The following ADAM8 variants were observed in gnomAD, a reference collection of about 807,000 sequenced individuals.
ADAM8 encodes the protein disintegrin and metalloproteinase domain-containing protein 8.
Under a neutral mutation model 102.4 loss-of-function variants are expected in ADAM8, and 104 were observed. The observed-to-expected ratio is 1.02, with a 90% CI of 0.87 to 1.20. ADAM8 has a LOEUF of 1.20. ADAM8 is among the 50% of genes most tolerant of loss of function. The probability of loss-of-function intolerance (pLI) is 0.00; values close to 1 mark genes in which losing one functional copy is unlikely to be tolerated. For synonymous variants in ADAM8, 517 were observed against 485.2 expected (o/e 1.07, Z -0.86); for missense variants, 1,132 against 1,159.0 (o/e 0.98, Z 0.34).
chr10:133,266,569 C>T (rs1846327855), intron 21 of ADAM8, among the ~76,000 whole-genome samples: 1 of 152,156 alleles, frequency 6.6e-6, no homozygotes, highest in Non-Finnish European at 1.5e-5. Context: ...CTCCCCAGCC[C>T]CAGCCTGCCC....
Position 133,272,962 on chromosome 10 carries a change from C to T in ADAM8, c.631G>A (p.Ala211Thr). The T allele has an allele frequency of 6.2e-7, 1 of 1,612,960 alleles. No individual in the cohort carries two copies. Among genetic ancestry groups the T allele is most frequent in the Non-Finnish European group, 8.5e-7 (1 of 1,179,906 alleles). ...CTTCCCTGCCCCCAACACACCTCTG[C>T]ATTGTCCACGACCACATACAGCTCC... The part of the protein sequence containing the change: ...YVELYVVVDN[A>T]EFQMLGSEAA... Residue 211 changes from alanine (A) to threonine (T), a missense_variant, in exon 7 of 23, where the codon GCA becomes ACA. Ala to Thr is a moderately conservative substitution (Grantham distance 58). Transcript: ENST00000445355.
chr10:133,270,065 G>A (rs1846467832), intron 16 of ADAM8, 91 bp from the exon 17 acceptor site: 2 of 1,422,724 alleles, frequency 1.4e-6, no homozygotes, highest in East Asian at 4.7e-5. Context: ...GGGGTGGGCT[G>A]TGGTCACCAC....
At chr10:133,265,982 T>C (rs1846311305) in intron 21 of ADAM8, among the ~76,000 whole-genome samples, 1 of 152,146 alleles carries the variant, frequency 6.6e-6, no homozygotes, top group South Asian at 2.1e-4. Flanking sequence ...GAAAAATCTG[T>C]GGACGCTGCT....
Position 133,271,891 on chromosome 10 carries a change from C to A in ADAM8, c.1021G>T (p.Gly341Cys). The A allele has an allele frequency of 6.2e-7, 1 of 1,612,672 alleles. No homozygotes were observed. Among genetic ancestry groups the A allele is most frequent in the Non-Finnish European group, 8.5e-7 (1 of 1,179,878 alleles). ...TGGACGTTCTCATCATGGTCCATGC[C>A]CAGGTTGTGGCCCATCTCATGGGCC... is the stretch of plus-strand genomic sequence containing the variant. ...TMAHEMGHNL[G>C]MDHDENVQGC... The change falls in exon 11 of 23, where the codon GGC (glycine) becomes TGC (cysteine). Residue 341 changes from glycine (G) to cysteine (C), a missense_variant. Transcript: ENST00000445355.
At chr10:133,267,003 T>C (rs949976451) in intron 21 of ADAM8, among the ~76,000 whole-genome samples, 1 of 151,184 alleles carries the variant, frequency 6.6e-6, no homozygotes, top group Admixed American at 6.6e-5. Flanking sequence ...GTCCCTGCCC[T>C]GAGCCCACCC....
chr10:133,273,284 C>T lies in ADAM8; in HGVS notation c.543G>A (p.Arg181=). The change falls in exon 6 of 23, where the codon CGG becomes CGA. Residue 181 remains arginine, a synonymous_variant. Coordinates refer to ENST00000445355, the MANE Select transcript of ADAM8 (RefSeq NM_001109.5). ...GCCGAGGCCTGAAGACGGCTGCCGT[C>T]CGGGGTCCCAGGAGGCTGCCCAGGC... The part of the protein sequence containing the change: ...DDSLGSLLGP[R]TAAVFRPRPG... The T allele has an allele frequency of 1.3e-6, 2 of 1,599,500 alleles. No individual in the cohort carries two copies. Among genetic ancestry groups the T allele is most frequent in the East Asian group, 2.3e-5 (1 of 44,318 alleles).
At chr10:133,274,090 C>T in intron 3 of ADAM8, 61 bp from the exon 4 acceptor site, 8 of 1,587,770 alleles carry the variant, frequency 5.0e-6, no homozygotes, top group Non-Finnish European at 6.8e-6. Flanking sequence ...GGCCCAGAGG[C>T]TGGACGCCGG....
Position 133,271,530 on chromosome 10 carries a change from C to T in ADAM8, c.1282G>A (p.Glu428Lys), listed in dbSNP as rs1032620519. ...GCAGGTATGGGGCATGGACGCACCT[C>T]GGGGGGGCCGCAGTCGCACTGCTCC... is the stretch of plus-strand genomic sequence containing the variant. ...RGEQCDCGPPEDCRNRCCNST... is the reference protein window; with the variant it reads ...RGEQCDCGPPKDCRNRCCNST... The change falls in exon 12 of 23, where the codon GAG becomes AAG. Residue 428 changes from glutamate (E) to lysine (K), a missense_variant and splice_region_variant. By Grantham distance (56) the Glu-to-Lys change is moderately conservative (BLOSUM62 1). Coordinates refer to ENST00000445355, the MANE Select transcript of ADAM8 (RefSeq NM_001109.5). The T allele has an allele frequency of 1.1e-5, 17 of 1,553,086 alleles. No individual in the cohort carries two copies. The highest frequency in any genetic ancestry group is 2.7e-5 in the African/African-American group (2 of 73,900).
chr10:133,263,649 T>A, intron 22 of ADAM8, 39 bp downstream of exon 22: 1 of 186,336 alleles, frequency 5.4e-6, no homozygotes. Context: ...TGCCGTCCAT[T>A]GCACAGTGGA....
intron 5 of ADAM8, 103 bp downstream of exon 5, chr10:133,273,659 G>A: frequency 7.2e-7 from 1 of 1,379,620 alleles, no homozygotes; most frequent in Non-Finnish European, 9.9e-7. Context: ...AGGCCTGAGT[G>A]GGAGGAGGAG....
intron 8 of ADAM8, 29 bp from the exon 9 acceptor site, chr10:133,272,614 A>G (rs754593717): frequency 2.5e-6 from 4 of 1,590,482 alleles, no homozygotes; most frequent in Admixed American, 1.7e-5. Flanking sequence ...CCTGGGGGTC[A>G]GGCAGGGTGG....
At chr10:133,275,356 G>A in intron 2 of ADAM8, 128 bp downstream of exon 2, 2 of 678,526 alleles carry the variant, frequency 2.9e-6, no homozygotes, top group Non-Finnish European at 4.9e-6. Flanking sequence ...GCCCCAGGGG[G>A]CTAGAGCTGT....
At chr10:133,275,670 C>A in intron 1 of ADAM8, 83 bp from the exon 2 acceptor site, 2 of 728,432 alleles carry the variant, frequency 2.7e-6, no homozygotes, top group South Asian at 4.4e-5. Flanking sequence ...CAGATTCTGT[C>A]TCTTGCTGGG....
At position 133,273,342 on chromosome 10, in the gene ADAM8, TGCA is replaced by T. The variant is rs1211903048; in HGVS notation, c.482_484del (p.Leu161del). On this transcript the variant is annotated inframe_deletion, in exon 6 of 23. Coordinates refer to ENST00000445355, the MANE Select transcript of ADAM8 (RefSeq NM_001109.5). ...GCTGACCCCGCAGGTCCCGGCCGTC[TGCA>T]GCAGGTGCTCAGCCTGGTACACGGC... The T allele has an allele frequency of 2.5e-6, 4 of 1,570,144 alleles. No individual in the cohort carries two copies. Among genetic ancestry groups the T allele is most frequent in the Non-Finnish European group, 1.7e-6 (2 of 1,158,548 alleles).
chr10:133,270,254 C>T (rs1846474430), intron 16 of ADAM8, 106 bp downstream of exon 16: 4 of 1,420,668 alleles, frequency 2.8e-6, no homozygotes, highest in South Asian at 1.4e-5. Context: ...GAACTCTGTT[C>T]CCATGGCCTC....
At chr10:133,266,831 G>T (rs1564919947) in intron 21 of ADAM8, among the ~76,000 whole-genome samples, 1 of 152,206 alleles carries the variant, frequency 6.6e-6, no homozygotes, top group African/African-American at 2.4e-5. Flanking sequence ...TCCAAGGTTA[G>T]CCCAGAGGTG....
intron 1 of ADAM8, among the ~76,000 whole-genome samples, chr10:133,276,362 C>A (rs1846751852): frequency 6.6e-6 from 1 of 152,172 alleles, no homozygotes; most frequent in Non-Finnish European, 1.5e-5. Context: ...GTCCCCTCAG[C>A]CCACACCCCT....
rs758618426 is a variant in ADAM8 at position 133,267,985 on chromosome 10, C to T, written c.2197G>A (p.Gly733Ser). The change falls in exon 20 of 23, where the codon GGC (glycine) becomes AGC (serine). Residue 733 changes from glycine (G) to serine (S), a missense_variant. Physicochemically the swap from Gly to Ser is moderately conservative, Grantham distance 56. Coordinates refer to ENST00000445355, the MANE Select transcript of ADAM8 (RefSeq NM_001109.5). Reference sequence around the variant, plus strand: ...GAGGCCGGGTGTCGGGCGGGCTGGCCCGGGTGGGTGGTGGGGACCAGCTCT... The same window carrying T: ...GAGGCCGGGTGTCGGGCGGGCTGGCTCGGGTGGGTGGTGGGGACCAGCTCT... ...PQELVPTTHP[G>S]QPARHPASSV... is the part of the protein sequence containing the mutation. The T allele has an allele frequency of 2.4e-6, 3 of 1,261,080 alleles. No individual in the cohort carries two copies. Among genetic ancestry groups the T allele is most frequent in the Non-Finnish European group, 3.0e-6 (3 of 996,412 alleles). 78.1% of individuals were successfully genotyped at this position (1,261,080 alleles called of 1,614,324 possible).
At position 133,267,966 on chromosome 10, in the gene ADAM8, G is replaced by A. The variant is rs184352637; in HGVS notation, c.2216C>T (p.Pro739Leu). 546 of 1,262,294 alleles carry A rather than the reference G, an allele frequency of 4.3e-4. 4 individuals are homozygous for A. In the East Asian group the frequency reaches 0.014, roughly 32 times the overall value. 78.2% of individuals were successfully genotyped at this position (1,262,294 alleles called of 1,614,324 possible). ...CCTCTTCAGAGCCACCGAGGAGGCC[G>A]GGTGTCGGGCGGGCTGGCCCGGGTG... Reference protein sequence around the residue: ...TTHPGQPARHPASSVALKRPP... With the variant: ...TTHPGQPARHLASSVALKRPP... The change falls in exon 20 of 23, where the codon CCG becomes CTG. Residue 739 changes from proline (P) to leucine (L), a missense_variant. Coordinates refer to ENST00000445355, the MANE Select transcript of ADAM8 (RefSeq NM_001109.5).
Sources: allele counts gnomAD v4.1 joint callset (sites outside exome capture counted in the v4.1 genomes callset), GRCh38; gene constraint gnomAD v4.1.1; transcripts MANE v1.5; gene names NCBI Gene and HGNC (gene_info 2026-07-23, HGNC 2026-07-21).